BCL11A: variants seen among roughly 807,000 people sequenced by gnomAD.
The protein encoded by BCL11A is B cell CLL/lymphoma 11A.
Under a neutral mutation model 55.9 loss-of-function variants are expected in BCL11A, and 2 were observed. The ratio of observed to expected loss-of-function variants is 0.04; its 90% CI spans 0.01 to 0.11. The LOEUF (loss-of-function observed/expected upper bound fraction) is 0.11, where lower values mean the gene tolerates loss of function less well. BCL11A is among the 10% of genes least tolerant of loss of function. The pLI is 1.00. For missense variants in BCL11A, 817 were observed against 1,137.1 expected (o/e 0.72, Z 4.05); for synonymous variants, 465 against 473.4 (o/e 0.98, Z 0.23).
In BCL11A at chr2:60,461,812, G is replaced by C; in HGVS notation, c.1100C>G (p.Pro367Arg). ...CTTGACCGGGGGCTGGGAGGGAGGAGGGGCGGATTGCAGAGGAGGGAGGGG... is the reference window on the plus strand; with the variant it reads ...CTTGACCGGGGGCTGGGAGGGAGGACGGGCGGATTGCAGAGGAGGGAGGGG... ...TPPLPPLQSA[P>R]PPSQPPVKSK... Residue 367 changes from proline to arginine, a missense_variant, in exon 4 of 4, where the codon CCT (proline) becomes CGT (arginine). This residue lies in a region of BCL11A where 363 missense variants were observed against 486.6 expected (regional missense o/e 0.75). Coordinates refer to ENST00000642384, the MANE Select transcript of BCL11A (RefSeq NM_022893.4). The C allele has an allele frequency of 1.9e-6, 3 of 1,613,590 alleles. No homozygotes were observed. Among genetic ancestry groups the C allele is most frequent in the Non-Finnish European group, 2.5e-6 (3 of 1,179,816 alleles).
intron 3 of BCL11A, among the ~76,000 whole-genome samples, chr2:60,466,178 CA>C (rs1676597549): frequency 6.6e-6 from 1 of 150,638 alleles, no homozygotes; most frequent in East Asian, 1.9e-4. Context: ...GGTTCCCTAT[CA>C]AGCTCAGACT....
chr2:60,468,644 C>T lies in BCL11A; in HGVS notation c.487+88G>A, dbSNP rs1677025736. The stretch of plus-strand genomic sequence containing the variant: ...TGACAATCTATTTTGGAAGTAACTC[C>T]TTCAGTACTTAAAAAGTAAGGGCAA... On this transcript the variant is annotated intron_variant, in intron 3 of 3. Transcript: ENST00000642384. 3.2e-6 allele frequency: 3 copies of T among 949,042 alleles called. No homozygotes were observed. In the South Asian group the frequency reaches 4.3e-5, roughly 14 times the overall value. The allele number at this position is 949,042 out of a possible 1,614,324, so 58.8% of individuals were successfully genotyped here.
At chr2:60,533,151 C>G (rs1285274419) in intron 2 of BCL11A, 3 of 152,200 alleles carry the variant, frequency 2.0e-5, no homozygotes, top group African/African-American at 4.8e-5. Context: ...TCCATGCTCA[C>G]GTTTTTAACT....
intron 2 of BCL11A, among the ~76,000 whole-genome samples, chr2:60,539,286 T>G (rs1007948024): frequency 6.6e-6 from 1 of 152,214 alleles, no homozygotes; most frequent in Non-Finnish European, 1.5e-5. Context: ...TCCTCCAAGG[T>G]GCAGTAACTG....
intron 2 of BCL11A, among the ~76,000 whole-genome samples, chr2:60,488,353 C>T (rs995164783): frequency 2.6e-5 from 4 of 152,186 alleles, no homozygotes; most frequent in Admixed American, 2.6e-4. Flanking sequence ...TCTCCTCTGT[C>T]CTTGGCAATC....
At chr2:60,526,002 G>A (rs920051409) in intron 2 of BCL11A, 3 of 152,176 alleles carry the variant, frequency 2.0e-5, no homozygotes, top group Admixed American at 6.5e-5. Flanking sequence ...CATACTACAG[G>A]CAGATACTGT....
chr2:60,457,123 C>T, downstream of BCL11A: 1 of 512,536 alleles, frequency 2.0e-6, no homozygotes, highest in South Asian at 8.5e-5. Flanking sequence ...CTGGCCTTCT[C>T]TTAAAACCTG....
intron 3 of BCL11A, among the ~76,000 whole-genome samples, chr2:60,464,884 T>C (rs557841648): frequency 1.1e-3 from 164 of 152,272 alleles, no homozygotes; most frequent in African/African-American, 3.9e-3. Context: ...TCAGAGAAAA[T>C]GGCATTTTAT....
intron 2 of BCL11A, among the ~76,000 whole-genome samples, chr2:60,510,415 C>G (rs1236907035): frequency 6.6e-6 from 1 of 152,170 alleles, no homozygotes; most frequent in African/African-American, 2.4e-5. Context: ...ATTCTCATGG[C>G]CAACTTCCTC....
At chr2:60,477,232 G>C (rs1215948887) in intron 2 of BCL11A, among the ~76,000 whole-genome samples, 2 of 152,162 alleles carry the variant, frequency 1.3e-5, no homozygotes, top group Non-Finnish European at 2.9e-5. Flanking sequence ...GATGCGATGA[G>C]AATGATCATT....
At chr2:60,520,099 T>C (rs953803289) in intron 2 of BCL11A, among the ~76,000 whole-genome samples, 19 of 152,220 alleles carry the variant, frequency 1.2e-4, no homozygotes, top group African/African-American at 4.6e-4. Flanking sequence ...CTTCTTTTTC[T>C]GAAAATTGAA....
At chr2:60,452,200 T>A (rs1675752665), downstream of BCL11A, 1 of 236,086 alleles carries the variant, frequency 4.2e-6, no homozygotes, top group African/African-American at 2.2e-5. Flanking sequence ...GCACACTTTT[T>A]AAAAGACAAC....
At position 60,460,999 on chromosome 2, in the gene BCL11A, A is replaced by C. The variant is rs775056709; in HGVS notation, c.1913T>G (p.Leu638Arg). The change falls in exon 4 of 4, where the codon CTC (leucine) becomes CGC (arginine). Residue 638 changes from leucine (L) to arginine (R), a missense_variant. Leu to Arg is a moderately radical substitution (Grantham distance 102, BLOSUM62 -2). Around this residue, in one of 4 missense-constraint regions of BCL11A, gnomAD observed 379 missense variants for 425.3 expected, o/e 0.89. Coordinates refer to ENST00000642384, the MANE Select transcript of BCL11A (RefSeq NM_022893.4). The stretch of plus-strand genomic sequence containing the variant: ...CGGGGGCAGGTCGAACTCCTTCTCG[A>C]GCTTGATGCGCTTAGAGAAGGGGCT... ...SLSPFSKRIK[L>R]EKEFDLPPAA... The C allele has an allele frequency of 6.2e-7, 1 of 1,608,684 alleles. No homozygotes were observed. The highest frequency in any genetic ancestry group is 8.5e-7 in the Non-Finnish European group (1 of 1,176,976).
chr2:60,501,145 C>T (rs915222949), intron 2 of BCL11A, among the ~76,000 whole-genome samples: 1 of 152,222 alleles, frequency 6.6e-6, no homozygotes, highest in African/African-American at 2.4e-5. Flanking sequence ...TGTTGGTAAA[C>T]ATCCAATTTT....
chr2:60,457,329 TAA>T lies in BCL11A; in HGVS notation c.*3073_*3074del. 1 of 1,015,832 alleles carries T rather than the reference TAA, an allele frequency of 9.8e-7. No homozygotes were observed. Among genetic ancestry groups the T allele is most frequent in the Non-Finnish European group, 1.2e-6 (1 of 848,704 alleles). 62.9% of individuals were successfully genotyped at this position (1,015,832 alleles called of 1,614,324 possible). On this transcript the variant is annotated 3_prime_UTR_variant, in exon 4 of 4. Transcript: ENST00000642384. ...TAACAAAGACCAGAAACAAATACAA[TAA>T]AAAGCCAGGTTGTAATGACCTTTGG...
At chr2:60,455,294 A>T (rs944240862), downstream of BCL11A, among the ~76,000 whole-genome samples, 8 of 149,402 alleles carry the variant, frequency 5.4e-5, no homozygotes, top group Admixed American at 2.0e-4. Flanking sequence ...TTCCTCATTT[A>T]AAAAAAAAAG....
chr2:60,491,674 C>T (rs1470843977), intron 2 of BCL11A, among the ~76,000 whole-genome samples: 1 of 129,666 alleles, frequency 7.7e-6, no homozygotes, highest in Admixed American at 8.2e-5. Flanking sequence ...TCCGTCTCAC[C>T]AAAAAAAGAA....
At chr2:60,451,026 A>C (rs1289386485), downstream of BCL11A, 1 of 176,416 alleles carries the variant, frequency 5.7e-6, no homozygotes, top group Non-Finnish European at 1.2e-5. Context: ...TCTCTTACTG[A>C]TGTGGCCTCT....
chr2:60,540,343 G>A (rs1293397665), intron 2 of BCL11A, among the ~76,000 whole-genome samples: 2 of 152,098 alleles, frequency 1.3e-5, no homozygotes, highest in Non-Finnish European at 2.9e-5. Context: ...TTGGGCTTGG[G>A]GTAAATTTTG....
Sources: gnomAD v4.1 joint callset for allele counts (sites outside exome capture counted in the v4.1 genomes callset) on GRCh38, gnomAD v4.1.1 for gene constraint, gnomAD v4.1.1 regional missense constraint, MANE v1.5 for transcripts, NCBI Gene and HGNC (gene_info 2026-07-23, HGNC 2026-07-21) for gene names.